The following PCDH15 variants were observed in gnomAD, a reference collection of about 807,000 sequenced individuals.
PCDH15 encodes protocadherin related 15.
PCDH15 carries 129 observed loss-of-function variants against 178.5 expected under a neutral mutation model. The ratio of observed to expected loss-of-function variants is 0.72; its 90% CI spans 0.63 to 0.84. The LOEUF is 0.84. PCDH15 is among the 40% of genes least tolerant of loss of function. PCDH15 has a pLI of 0.00. For synonymous variants in PCDH15, 800 were observed against 732.0 expected (o/e 1.09, Z -1.50); for missense variants, 2,230 against 2,099.9 (o/e 1.06, Z -1.21).
intron 15 of PCDH15, among the ~76,000 whole-genome samples, chr10:54,129,068 A>G (rs907793032): frequency 2.0e-5 from 3 of 152,226 alleles, no homozygotes; most frequent in Non-Finnish European, 4.4e-5. Flanking sequence ...AATGTGGCTC[A>G]TAAACCTTTC....
chr10:55,412,279 A>G (rs1838357235), intron 2 of PCDH15, among the ~76,000 whole-genome samples: 1 of 152,062 alleles, frequency 6.6e-6, no homozygotes, highest in Admixed American at 6.6e-5. Context: ...AATTTTTTAG[A>G]AATTTAGATA....
At chr10:54,960,872 T>A (rs1017611203) in intron 2 of PCDH15, among the ~76,000 whole-genome samples, 1 of 152,162 alleles carries the variant, frequency 6.6e-6, no homozygotes, top group African/African-American at 2.4e-5. Flanking sequence ...GGCTGGTGTA[T>A]TCCAGAATAA....
chr10:55,443,002 TTGGTAGTC>T (rs1465590389), intron 2 of PCDH15, among the ~76,000 whole-genome samples: 1 of 152,158 alleles, frequency 6.6e-6, no homozygotes, highest in Non-Finnish European at 1.5e-5. Context: ...ACTCGTTATC[TTGGTAGTC>T]ATAAATGAAA....
rs918575371 is a variant in PCDH15, at chr10:54,752,342, T to C, written c.-29+48583A>G. ...ATTACAAAAAATTAGCCGGGCGTGG[T>C]GGCGGGCGCCTGTAGTCCCAGCTAC... is the stretch of plus-strand genomic sequence containing the variant. On this transcript the variant is annotated intron_variant, in intron 1 of 37. Coordinates refer to ENST00000644397, the MANE Select transcript of PCDH15 (RefSeq NM_001384140.1). Among the ~76,000 whole-genome samples, 144 of 151,482 alleles carry C rather than the reference T, an allele frequency of 9.5e-4. 3 individuals are homozygous for C. The highest frequency in any genetic ancestry group is 6.3e-4 in the South Asian group (3 of 4,788).
At chr10:53,881,822 TG>T (rs1322500443) in intron 26 of PCDH15, among the ~76,000 whole-genome samples, 1 of 152,162 alleles carries the variant, frequency 6.6e-6, no homozygotes, top group Non-Finnish European at 1.5e-5. Context: ...GACACAGATC[TG>T]ATCAGGACTG....
intron 3 of PCDH15, among the ~76,000 whole-genome samples, chr10:54,813,364 G>T (rs969617195): frequency 3.3e-5 from 5 of 152,050 alleles, no homozygotes; most frequent in Admixed American, 2.6e-4. Context: ...TCTCCATGTG[G>T]TTATACCAGA....
At chr10:54,369,676 A>C (rs1947350710) in intron 4 of PCDH15, among the ~76,000 whole-genome samples, 2 of 152,146 alleles carry the variant, frequency 1.3e-5, no homozygotes, top group Middle Eastern at 3.4e-3. Flanking sequence ...ATGTTTATTT[A>C]TATTTTTGCT....
At chr10:54,148,631 C>T (rs1290991400) in intron 14 of PCDH15, among the ~76,000 whole-genome samples, 1 of 151,988 alleles carries the variant, frequency 6.6e-6, no homozygotes, top group Non-Finnish European at 1.5e-5. Flanking sequence ...AGTTTGGCCA[C>T]ATCCAACTAA....
At chr10:55,149,597 A>C (rs1456090797) in intron 2 of PCDH15, among the ~76,000 whole-genome samples, 3 of 152,038 alleles carry the variant, frequency 2.0e-5, no homozygotes, top group Non-Finnish European at 4.4e-5. Flanking sequence ...CAGTCAAATA[A>C]ATTTATGGCT....
intron 29 of PCDH15, among the ~76,000 whole-genome samples, chr10:53,838,712 T>C (rs35877835): frequency 0.081 from 12,369 of 152,208 alleles, 591 homozygotes; most frequent in East Asian, 0.11. Context: ...ATGAATTACT[T>C]TGGAAGTTTA....
intron 25 of PCDH15, among the ~76,000 whole-genome samples, chr10:53,910,779 C>T (rs1048015063): frequency 1.7e-4 from 26 of 152,056 alleles, no homozygotes; most frequent in African/African-American, 2.2e-4. Context: ...AAAGATTAGA[C>T]GAATGGCTAA....
At chr10:55,176,837 C>T (rs1839504076) in intron 1 of PCDH15, among the ~76,000 whole-genome samples, 1 of 152,126 alleles carries the variant, frequency 6.6e-6, no homozygotes, top group African/African-American at 2.4e-5. Flanking sequence ...ATTCGAGGAT[C>T]CTTGCAACCA....
chr10:54,408,955 C>T (rs1953078106), intron 3 of PCDH15, among the ~76,000 whole-genome samples: 1 of 152,122 alleles, frequency 6.6e-6, no homozygotes. Flanking sequence ...CAAATTGTAG[C>T]TCCCATAATT....
At chr10:54,234,284 T>C (rs188077028) in intron 9 of PCDH15, among the ~76,000 whole-genome samples, 1 of 152,252 alleles carries the variant, frequency 6.6e-6, no homozygotes, top group East Asian at 1.9e-4. Flanking sequence ...AACTAAAATG[T>C]ATTGAGCATT....
intron 2 of PCDH15, among the ~76,000 whole-genome samples, chr10:55,450,154 T>C (rs759715710): frequency 2.0e-5 from 3 of 152,160 alleles, no homozygotes; most frequent in Non-Finnish European, 2.9e-5. Flanking sequence ...TAATGTAATC[T>C]GGAAAATCCA....
chr10:55,140,148 C>T (rs1370395253), intron 2 of PCDH15, among the ~76,000 whole-genome samples: 1 of 151,778 alleles, frequency 6.6e-6, no homozygotes, highest in Non-Finnish European at 1.5e-5. Context: ...CACTTATTAG[C>T]TCTAGGATAT....
chr10:54,926,334 C>T (rs1275543189), intron 2 of PCDH15, among the ~76,000 whole-genome samples: 1 of 151,732 alleles, frequency 6.6e-6, no homozygotes, highest in Non-Finnish European at 1.5e-5. Context: ...TGATGTGCTG[C>T]TGGATTTGGT....
intron 25 of PCDH15, among the ~76,000 whole-genome samples, chr10:53,938,284 C>T (rs1273863336): frequency 6.6e-6 from 1 of 151,514 alleles, no homozygotes; most frequent in Non-Finnish European, 1.5e-5. Context: ...CAAAATCTTG[C>T]CTTTGTAAAA....
At chr10:55,467,373 CTTTTTTTT>C (rs59787759) in intron 2 of PCDH15, among the ~76,000 whole-genome samples, 1 of 87,768 alleles carries the variant, frequency 1.1e-5, no homozygotes, top group African/African-American at 3.8e-5. Flanking sequence ...CTTGGCCTGA[CTTTTTTTT>C]TTTTTTTTTT....
Sources: allele counts gnomAD v4.1 joint callset (sites outside exome capture counted in the v4.1 genomes callset), GRCh38; gene constraint gnomAD v4.1.1; transcripts MANE v1.5; gene names NCBI Gene and HGNC (gene_info 2026-07-23, HGNC 2026-07-21).